Variants in NHS observed in about 807,000 individuals in gnomAD.
NHS encodes actin remodeling regulator NHS.
A neutral mutation model predicts 72.5 loss-of-function variants in NHS; 5 were observed. The observed-to-expected ratio is 0.07, with a 90% confidence interval of 0.04 to 0.14. The LOEUF (loss-of-function observed/expected upper bound fraction) is 0.14, where lower values mean the gene tolerates loss of function less well. Ranked by LOEUF, NHS falls within the 10% of genes least tolerant of loss-of-function variation. The pLI is 1.00. For missense variants in NHS, 1,072 were observed against 1,355.7 expected (o/e 0.79, Z 3.29); for synonymous variants, 464 against 547.7 (o/e 0.85, Z 2.13).
At chrX:17,411,285 T>A (rs1184746177) in intron 1 of NHS, among the ~76,000 whole-genome samples, 1 of 112,020 alleles carries the variant, frequency 8.9e-6, no homozygotes, top group Non-Finnish European at 1.9e-5. Context: ...AATTTTTCTT[T>A]GTGAGGGAGT....
chrX:17,413,016 C>T (rs1210518432), intron 1 of NHS, among the ~76,000 whole-genome samples: 2 of 112,220 alleles, frequency 1.8e-5, no homozygotes, highest in Non-Finnish European at 3.8e-5. Flanking sequence ...TGTCAGCCTC[C>T]GATCTTAACT....
chrX:17,702,758 A>G (rs144896019), intron 3 of NHS, among the ~76,000 whole-genome samples: 46 of 112,251 alleles, frequency 4.1e-4, no homozygotes, highest in Non-Finnish European at 8.5e-4. Flanking sequence ...TAAATATGCA[A>G]GTCAAAGAGC....
In NHS at chrX:17,633,614, C is replaced by G. The variant is rs1447750725; in HGVS notation, c.566-54128C>G. On this transcript the variant is annotated intron_variant, in intron 1 of 8. Coordinates refer to ENST00000676302, the MANE Select transcript of NHS (RefSeq NM_001291867.2). Reference sequence around the variant, plus strand: ...CAGGGCCTTCTTTCTTCCCTCACATCTGGTTTGATTCTGGGCAGCTAAATA... The same window carrying G: ...CAGGGCCTTCTTTCTTCCCTCACATGTGGTTTGATTCTGGGCAGCTAAATA... 4.5e-5 allele frequency among the ~76,000 whole-genome samples: 5 copies of G among 112,202 alleles called. No individual in the cohort carries two copies. The Admixed American group carries it at 4.7e-4, about 11-fold the overall frequency.
chrX:17,546,400 A>T (rs2065293517), intron 1 of NHS, among the ~76,000 whole-genome samples: 1 of 112,184 alleles, frequency 8.9e-6, no homozygotes, highest in African/African-American at 3.2e-5. Flanking sequence ...AGTGGGTTTG[A>T]AACTGAGAGA....
At chrX:17,696,153 C>T (rs968757730) in intron 3 of NHS, among the ~76,000 whole-genome samples, 2 of 111,580 alleles carry the variant, frequency 1.8e-5, no homozygotes, top group Non-Finnish European at 3.8e-5. Flanking sequence ...GGTAAAGGAT[C>T]TGAAGAGTTA....
At chrX:17,670,102 G>A (rs1601827268) in intron 1 of NHS, among the ~76,000 whole-genome samples, 1 of 112,502 alleles carries the variant, frequency 8.9e-6, no homozygotes, top group East Asian at 2.8e-4. Context: ...AGAAGACTCA[G>A]AAGTACACAA....
At chrX:17,645,172 G>T (rs2065900588) in intron 1 of NHS, among the ~76,000 whole-genome samples, 1 of 111,840 alleles carries the variant, frequency 8.9e-6, no homozygotes, top group Non-Finnish European at 1.9e-5. Context: ...TGCATTTTAT[G>T]AGGTACTGGC....
intron 1 of NHS, among the ~76,000 whole-genome samples, chrX:17,482,279 C>CT (rs1289041218): frequency 9.0e-6 from 1 of 111,659 alleles, no homozygotes; most frequent in Non-Finnish European, 1.9e-5. Context: ...CATCTCAGGG[C>CT]TTTTTTAGGG....
intron 1 of NHS, among the ~76,000 whole-genome samples, chrX:17,578,011 G>A (rs2065520825): frequency 8.9e-6 from 1 of 112,109 alleles, no homozygotes; most frequent in Non-Finnish European, 1.9e-5. Flanking sequence ...AAACTTGTTT[G>A]TGTGAGTGCC....
chrX:17,428,850 C>CTG (rs958721745), intron 1 of NHS, among the ~76,000 whole-genome samples: 120 of 111,093 alleles, frequency 1.1e-3, no homozygotes, highest in African/African-American at 2.6e-3. Context: ...CTTTCTCTCT[C>CTG]TGTGTGTGTG....
intron 1 of NHS, among the ~76,000 whole-genome samples, chrX:17,592,178 G>A (rs7049877): frequency 0.18 from 19,582 of 111,759 alleles, 3,649 homozygotes; most frequent in African/African-American, 0.56. Context: ...ATGATCTTCT[G>A]TGTCTTTTGT....
chrX:17,576,338 C>T (rs1305369556), intron 1 of NHS, among the ~76,000 whole-genome samples: 2 of 111,540 alleles, frequency 1.8e-5, no homozygotes, highest in African/African-American at 3.3e-5. Context: ...ATAAGGGTAA[C>T]GAGATGTATA....
chrX:17,564,541 A>T lies in NHS; in HGVS notation c.566-123201A>T, dbSNP rs190885845. ...GCTTCAGAATCATGTACAAACATTG[A>T]AATGGAATGATTCTGTGTGTGGTGT... On this transcript the variant is annotated intron_variant, in intron 1 of 8. Transcript: ENST00000676302. Among the ~76,000 whole-genome samples, 3 of 112,300 alleles carry T rather than the reference A, an allele frequency of 2.7e-5. No homozygotes were observed. In the Admixed American group the frequency reaches 2.8e-4, roughly 11 times the overall value.
chrX:17,385,751 C>CAT (rs941641214), intron 1 of NHS, among the ~76,000 whole-genome samples: 3 of 111,640 alleles, frequency 2.7e-5, no homozygotes, highest in African/African-American at 9.8e-5. Context: ...AAACAGTTTC[C>CAT]ATATATATAT....
chrX:17,706,275 C>A (rs112556998), intron 3 of NHS, among the ~76,000 whole-genome samples: 1 of 110,898 alleles, frequency 9.0e-6, no homozygotes, highest in Non-Finnish European at 1.9e-5. Flanking sequence ...TGGATTGGAT[C>A]CTGGTTGAGG....
Position 17,672,862 on chromosome X carries a change from T to C in NHS, c.566-14880T>C, listed in dbSNP as rs776150735. Reference sequence around the variant, plus strand: ...GGCGCATGTCATGTCCACCATTCTATTGCAGTGCCTAGCACAGTGGTTGGC... The same window carrying C: ...GGCGCATGTCATGTCCACCATTCTACTGCAGTGCCTAGCACAGTGGTTGGC... On this transcript the variant is annotated intron_variant, in intron 1 of 8. Transcript: ENST00000676302. 9.8e-5 allele frequency among the ~76,000 whole-genome samples: 11 copies of C among 111,827 alleles called. No homozygotes were observed. The East Asian group carries it at 3.1e-3, about 32-fold the overall frequency.
chrX:17,574,891 C>A (rs911789069), intron 1 of NHS, among the ~76,000 whole-genome samples: 6 of 111,942 alleles, frequency 5.4e-5, no homozygotes, highest in African/African-American at 1.9e-4. Flanking sequence ...GTGCTGTTAC[C>A]ATTATAGATG....
chrX:17,432,107 C>T (rs2064697038), intron 1 of NHS, among the ~76,000 whole-genome samples: 1 of 112,529 alleles, frequency 8.9e-6, no homozygotes, highest in Admixed American at 9.4e-5. Flanking sequence ...CTACACTACC[C>T]AGGGGGTAAA....
intron 1 of NHS, among the ~76,000 whole-genome samples, chrX:17,453,042 G>A (rs1364899037): frequency 1.8e-5 from 2 of 112,280 alleles, no homozygotes; most frequent in Non-Finnish European, 3.8e-5. Context: ...TTATTTAGCT[G>A]TAGTTAAACC....
Sources: gnomAD v4.1 joint callset for allele counts (sites outside exome capture counted in the v4.1 genomes callset) on GRCh38, gnomAD v4.1.1 for gene constraint, MANE v1.5 for transcripts, NCBI Gene and HGNC (gene_info 2026-07-23, HGNC 2026-07-21) for gene names.